The following NUP210L variants were observed in gnomAD, a reference collection of about 807,000 sequenced individuals.
NUP210L encodes the protein nuclear pore membrane glycoprotein 210-like.
NUP210L carries 74 observed loss-of-function variants against 208.5 expected under a neutral mutation model. The ratio of observed to expected loss-of-function variants is 0.35; its 90% CI spans 0.29 to 0.43. The LOEUF (loss-of-function observed/expected upper bound fraction) is 0.43, where lower values mean the gene tolerates loss of function less well. NUP210L is among the 20% of genes least tolerant of loss of function. The pLI is 1.00. For synonymous variants in NUP210L, 780 were observed against 816.9 expected, an observed-to-expected ratio of 0.95 and a Z score of 0.77; for missense variants, 1,843 against 2,289.4, an observed-to-expected ratio of 0.81 and a Z score of 3.98.
intron 2 of NUP210L, among the ~76,000 whole-genome samples, chr1:154,152,152 TTTTTATTTTA>T (rs549437706): frequency 8.2e-5 from 12 of 146,596 alleles, no homozygotes; most frequent in African/African-American, 1.3e-4. Flanking sequence ...ATACTCTTCA[TTTTTATTTTA>T]TTTTATTTTA....
chr1:154,042,440 T>C (rs1209392688), intron 27 of NUP210L, among the ~76,000 whole-genome samples: 1 of 151,360 alleles, frequency 6.6e-6, no homozygotes, highest in East Asian at 1.9e-4. Context: ...GTTGTTGTTG[T>C]TGTTGAGACG....
At chr1:154,120,491 G>T (rs1218490743) in intron 10 of NUP210L, among the ~76,000 whole-genome samples, 2 of 151,934 alleles carry the variant, frequency 1.3e-5, no homozygotes, top group Non-Finnish European at 1.5e-5. Flanking sequence ...GTTGGGGGAG[G>T]GGGGAAGGAT....
At chr1:154,093,704 T>C (rs1050430450) in intron 15 of NUP210L, among the ~76,000 whole-genome samples, 1 of 152,208 alleles carries the variant, frequency 6.6e-6, no homozygotes, top group African/African-American at 2.4e-5. Flanking sequence ...AATCTTACAT[T>C]GATTCCCTTA....
At chr1:154,082,334 T>C (rs1426644804) in intron 16 of NUP210L, among the ~76,000 whole-genome samples, 2 of 152,196 alleles carry the variant, frequency 1.3e-5, no homozygotes, top group Admixed American at 6.5e-5. Flanking sequence ...CAGAATTGCA[T>C]TGTGGTATTG....
intron 33 of NUP210L, among the ~76,000 whole-genome samples, chr1:154,015,280 T>TA (rs35604037): frequency 3.1e-3 from 407 of 133,188 alleles, no homozygotes; most frequent in South Asian, 0.013. Context: ...TACTGGATGT[T>TA]AAAAAAAAAA....
At chr1:153,993,567 GAAAA>G (rs1211758853) in intron 38 of NUP210L, among the ~76,000 whole-genome samples, 44 of 122,874 alleles carry the variant, frequency 3.6e-4, no homozygotes, top group African/African-American at 1.2e-3. Flanking sequence ...CTCTGTCTCA[GAAAA>G]AAAAAAAAAA....
intron 2 of NUP210L, among the ~76,000 whole-genome samples, chr1:154,148,540 A>G (rs1659228488): frequency 6.6e-6 from 1 of 152,196 alleles, no homozygotes; most frequent in Non-Finnish European, 1.5e-5. Flanking sequence ...AAACATGACA[A>G]TTTAGTTTAG....
chr1:154,067,324 C>T (rs1297311462), intron 17 of NUP210L, among the ~76,000 whole-genome samples: 1 of 152,142 alleles, frequency 6.6e-6, no homozygotes, highest in Non-Finnish European at 1.5e-5. Flanking sequence ...ATCACATAAA[C>T]AGAACCAAAG....
intron 4 of NUP210L, among the ~76,000 whole-genome samples, chr1:154,140,201 A>C (rs1169237321): frequency 6.6e-6 from 1 of 151,798 alleles, no homozygotes; most frequent in African/African-American, 2.4e-5. Context: ...AAATACAAAA[A>C]TTAGCCGGGC....
chr1:154,109,766 C>G (rs992519474), intron 12 of NUP210L, among the ~76,000 whole-genome samples: 2 of 151,398 alleles, frequency 1.3e-5, no homozygotes, highest in African/African-American at 2.4e-5. Flanking sequence ...ACTATACAAA[C>G]ACATTGAAAT....
At chr1:154,001,782 C>T (rs777070980) in exon 36 of NUP210L, 17 of 1,613,982 alleles carry the variant, frequency 1.1e-5, no homozygotes, top group African/African-American at 6.7e-5. Flanking sequence ...CTTATCTCCC[C>T]GATATCTTGT....
chr1:154,056,066 C>CA (rs1653851109), intron 23 of NUP210L, among the ~76,000 whole-genome samples: 1 of 151,952 alleles, frequency 6.6e-6, no homozygotes, highest in Non-Finnish European at 1.5e-5. Flanking sequence ...CTCAAACGAA[C>CA]AAAAAAACAA....
rs573333406 is a variant in NUP210L, at chr1:154,104,248, T to TA, written c.1621-39dup. Reference sequence around the variant, plus strand: ...AATTCATCTTTCAAGAAAGTTATGTTAAAAAAAAGTCTTAGGAGGAGGAGA... The same window carrying TA: ...AATTCATCTTTCAAGAAAGTTATGTTAAAAAAAAAGTCTTAGGAGGAGGAGA... On this transcript the variant is annotated intron_variant, in intron 12 of 39. Coordinates refer to ENST00000368559, the Ensembl canonical transcript of NUP210L. 170 of 1,571,386 alleles carry TA rather than the reference T, an allele frequency of 1.1e-4. 1 individual carries two copies. The African/African-American group carries it at 1.4e-3, about 13-fold the overall frequency.
chr1:154,124,715 G>T (rs545296449), intron 10 of NUP210L, among the ~76,000 whole-genome samples: 1 of 152,168 alleles, frequency 6.6e-6, no homozygotes. Flanking sequence ...ATTTTGGGAC[G>T]CCAAGGCAGG....
At chr1:154,055,198 T>C (rs1653796270) in intron 23 of NUP210L, among the ~76,000 whole-genome samples, 1 of 150,094 alleles carries the variant, frequency 6.7e-6, no homozygotes, top group African/African-American at 2.4e-5. Context: ...TTTTTCTTTC[T>C]TTCTTTCTCT....
intron 36 of NUP210L, 93 bp downstream of exon 36, chr1:154,001,642 C>A: frequency 7.7e-7 from 1 of 1,304,610 alleles, no homozygotes; most frequent in Non-Finnish European, 1.1e-6. Context: ...TATTAGGTCA[C>A]TCAGTAACTT....
intron 16 of NUP210L, among the ~76,000 whole-genome samples, chr1:154,075,733 C>T (rs991453587): frequency 1.3e-5 from 2 of 151,440 alleles, no homozygotes; most frequent in Non-Finnish European, 2.9e-5. Context: ...AAAGCAGTTT[C>T]CATAGAAACT....
Position 154,129,278 on chromosome 1 carries a change from T to TA in NUP210L, c.1076dup (p.Leu359PhefsTer27). On this transcript the variant is annotated frameshift_variant and splice_region_variant, in exon 8 of 40. Coordinates refer to ENST00000368559, the Ensembl canonical transcript of NUP210L. LOFTEE classifies it high-confidence loss of function. Reference sequence around the variant, plus strand: ...TCTGAAAAGTATGATCTAAAATACCTAAAAATCCAGGCTCTACAACATATA... The same window carrying TA: ...TCTGAAAAGTATGATCTAAAATACCTAAAAAATCCAGGCTCTACAACATATA... The TA allele has an allele frequency of 6.3e-7, 1 of 1,592,992 alleles. No individual in the cohort carries two copies. Among genetic ancestry groups the TA allele is most frequent in the Non-Finnish European group, 8.6e-7 (1 of 1,164,720 alleles).
rs1318503418 is a variant in NUP210L, at chr1:154,127,393, C to T, written c.1103G>A (p.Arg368Gln). Residue 368 changes from arginine (R) to glutamine (Q), a missense_variant, in exon 9 of 40, where the codon CGA becomes CAA. By Grantham distance (43) the Arg-to-Gln change is conservative (BLOSUM62 1). This residue lies in a region of NUP210L where 542 missense variants were observed against 606.4 expected (regional missense o/e 0.89). Transcript: ENST00000368559. ...TACCTGTCCCACCTCTAGACTCCAT[C>T]GGTTTCCAGGTTGGACAGTGAAACC... 10 of 1,598,642 alleles carry T rather than the reference C, an allele frequency of 6.3e-6. No individual in the cohort carries two copies. Among genetic ancestry groups the T allele is most frequent in the Admixed American group, 3.4e-5 (2 of 59,456 alleles).
Sources: gnomAD v4.1 joint callset for allele counts (sites outside exome capture counted in the v4.1 genomes callset) on GRCh38, gnomAD v4.1.1 for gene constraint, gnomAD v4.1.1 regional missense constraint, MANE v1.5 for transcripts, NCBI Gene and HGNC (gene_info 2026-07-23, HGNC 2026-07-21) for gene names.